The following HMCN1 variants were observed in gnomAD, a reference collection of about 807,000 sequenced individuals.
HMCN1 encodes hemicentin-1.
In HMCN1, 321 loss-of-function variants were observed where a neutral mutation model predicts 625.9. That is an observed-to-expected ratio of 0.51 (90% CI 0.47 to 0.56). HMCN1 has a LOEUF of 0.56. Ranked by LOEUF, HMCN1 falls within the 20% of genes least tolerant of loss-of-function variation. HMCN1 has a pLI of 0.00. For missense variants in HMCN1, 6,588 were observed against 6,887.3 expected, an observed-to-expected ratio of 0.96 and a Z score of 1.54; for synonymous variants, 2,425 against 2,417.6, an observed-to-expected ratio of 1.00 and a Z score of -0.09.
rs145065525 is a variant in HMCN1, at chr1:185,742,976, G to GT, written c.268+7934dup. ...TCCTCTGTGACTCCCAAGAAATGAT[G>GT]TTTTTCCCCCCTTGTTAATTAGTTA... On this transcript the variant is annotated intron_variant, in intron 1 of 106. Transcript: ENST00000271588. 8.3e-3 allele frequency among the ~76,000 whole-genome samples: 1,260 copies of GT among 152,268 alleles called. 12 individuals carry two copies. The highest frequency in any genetic ancestry group is 0.027 in the Middle Eastern group (8 of 294).
intron 4 of HMCN1, among the ~76,000 whole-genome samples, chr1:185,891,576 G>T (rs1665087057): frequency 1.4e-5 from 2 of 147,494 alleles, no homozygotes; most frequent in Non-Finnish European, 2.9e-5. Context: ...ATGAAGCTTA[G>T]TTTGGCTGGA....
At chr1:185,883,711 G>A (rs994457157) in intron 4 of HMCN1, among the ~76,000 whole-genome samples, 2 of 151,798 alleles carry the variant, frequency 1.3e-5, no homozygotes, top group Non-Finnish European at 2.9e-5. Flanking sequence ...GAACATTGCT[G>A]TATGGTTCCT....
At chr1:185,814,771 A>C (rs1460174269) in intron 1 of HMCN1, among the ~76,000 whole-genome samples, 1 of 149,002 alleles carries the variant, frequency 6.7e-6, no homozygotes, top group East Asian at 1.9e-4. Flanking sequence ...AGCTCACTGC[A>C]ACTTCCACCT....
Position 186,074,741 on chromosome 1 carries a change from C to A in HMCN1, c.8140C>A (p.Pro2714Thr), listed in dbSNP as rs147073795. The change falls in exon 53 of 107, where the codon CCC (proline) becomes ACC (threonine). Residue 2714 changes from proline (P) to threonine (T), a missense_variant and splice_region_variant. Coordinates refer to ENST00000271588, the MANE Select transcript of HMCN1 (RefSeq NM_031935.3). Reference protein sequence around the residue: ...ASLSWYKDGQPLKSDDHVNIA... With the variant: ...ASLSWYKDGQTLKSDDHVNIA... ...TAACATTGTTATAATTGAATCACAG[C>A]CCCTTAAATCCGATGATCATGTTAA... 1.2e-6 allele frequency: 2 copies of A among 1,612,314 alleles called. No homozygotes were observed. Among genetic ancestry groups the A allele is most frequent in the Non-Finnish European group, 1.7e-6 (2 of 1,178,806 alleles).
intron 1 of HMCN1, among the ~76,000 whole-genome samples, chr1:185,805,673 G>A (rs1659122947): frequency 6.6e-6 from 1 of 152,144 alleles, no homozygotes; most frequent in South Asian, 2.1e-4. Context: ...GCAGGATTTT[G>A]CTGTAGTGTA....
chr1:185,983,409 G>A (rs1651792140), intron 18 of HMCN1, among the ~76,000 whole-genome samples: 1 of 151,876 alleles, frequency 6.6e-6, no homozygotes, highest in Admixed American at 6.6e-5. Flanking sequence ...CTGGGTGACA[G>A]AGCAAGACTC....
chr1:186,059,130 C>G (rs1448016899), intron 46 of HMCN1, among the ~76,000 whole-genome samples: 1 of 151,926 alleles, frequency 6.6e-6, no homozygotes, highest in Non-Finnish European at 1.5e-5. Flanking sequence ...CATAGACAAC[C>G]TGGTAAAAGG....
At chr1:186,076,931 T>C (rs568796923) in intron 54 of HMCN1, among the ~76,000 whole-genome samples, 1 of 152,316 alleles carries the variant, frequency 6.6e-6, no homozygotes, top group South Asian at 2.1e-4. Context: ...TTGGTTTATA[T>C]ATATTATTAA....
intron 8 of HMCN1, among the ~76,000 whole-genome samples, chr1:185,924,215 CTTTTTTTTTTTTTTT>C (rs58164381): frequency 6.2e-4 from 27 of 43,648 alleles, no homozygotes; most frequent in African/African-American, 1.9e-3. Context: ...CTGACCCAAT[CTTTTTTTTTTTTTTT>C]TTTTTTTTTT....
chr1:185,838,784 C>T (rs1017621302), intron 1 of HMCN1, among the ~76,000 whole-genome samples: 1 of 152,174 alleles, frequency 6.6e-6, no homozygotes, highest in African/African-American at 2.4e-5. Context: ...ATATTTCTGA[C>T]TTTTGTAGCT....
intron 1 of HMCN1, among the ~76,000 whole-genome samples, chr1:185,772,156 C>A (rs1656285543): frequency 6.6e-6 from 1 of 152,030 alleles, no homozygotes; most frequent in African/African-American, 2.4e-5. Context: ...GGAGTTGGAG[C>A]CATAGCAGCG....
chr1:186,037,018 A>AT (rs146083816), intron 36 of HMCN1, among the ~76,000 whole-genome samples: 3,901 of 151,708 alleles, frequency 0.026, 160 homozygotes, highest in African/African-American at 0.089. Flanking sequence ...TATTTCTACT[A>AT]TTTTTTCTTG....
intron 11 of HMCN1, among the ~76,000 whole-genome samples, chr1:185,948,734 T>A (rs1406767897): frequency 6.6e-6 from 1 of 151,544 alleles, no homozygotes; most frequent in Non-Finnish European, 1.5e-5. Context: ...CTGACATTCC[T>A]GCCTTCTTAT....
rs376939606 is a variant in HMCN1, at chr1:186,090,916, C to T, written c.9886C>T (p.Arg3296Ter). 4 of 1,611,096 alleles carry T rather than the reference C, an allele frequency of 2.5e-6. No homozygotes were observed. Among genetic ancestry groups the T allele is most frequent in the South Asian group, 1.1e-5 (1 of 91,018 alleles). ...PIASGETERI[R>*]VSANGSTLNI... ...AGCTAGTGGTGAAACAGAAAGAATCCGGTATGTTTAAAAATAATCTTTCCA... is the reference window on the plus strand; with the variant it reads ...AGCTAGTGGTGAAACAGAAAGAATCTGGTATGTTTAAAAATAATCTTTCCA... Residue 3296 changes from arginine to a stop codon, truncating the protein, a stop_gained and splice_region_variant, in exon 64 of 107, where the codon CGA (arginine) becomes TGA (stop). Transcript: ENST00000271588. LOFTEE classifies it high-confidence loss of function.
intron 74 of HMCN1, 90 bp from the exon 75 acceptor site, chr1:186,115,168 A>G (rs1661075701): frequency 6.6e-7 from 1 of 1,511,966 alleles, no homozygotes; most frequent in African/African-American, 1.4e-5. Flanking sequence ...AGGCAAGTTA[A>G]TAATGACTAA....
At chr1:185,981,933 C>T (rs1376813130) in intron 17 of HMCN1, among the ~76,000 whole-genome samples, 1 of 152,140 alleles carries the variant, frequency 6.6e-6, no homozygotes. Context: ...CACTTTTCCA[C>T]TTATAAATGC....
chr1:186,055,586 C>A lies in HMCN1; in HGVS notation c.7056C>A (p.Asn2352Lys), dbSNP rs749904064. ...AAGGTCACATCCTTCAGCTGAAGAA[C>A]ATTCATGTATCTGACACAGGCCGTT... Reference protein sequence around the residue: ...LDEGHILQLKNIHVSDTGRYV... With the variant: ...LDEGHILQLKKIHVSDTGRYV... The change falls in exon 45 of 107, where the codon AAC (asparagine) becomes AAA (lysine). Residue 2352 changes from asparagine to lysine, a missense_variant. Asn to Lys is a moderately conservative substitution (Grantham distance 94, BLOSUM62 0). This residue lies in a region of HMCN1 where 4,628 missense variants were observed against 4,853.1 expected (regional missense o/e 0.95). Transcript: ENST00000271588. 6.2e-7 allele frequency: 1 copy of A among 1,612,794 alleles called. No homozygotes were observed. The highest frequency in any genetic ancestry group is 1.1e-5 in the South Asian group (1 of 91,074).
chr1:185,779,138 T>C (rs1209484333), intron 1 of HMCN1, among the ~76,000 whole-genome samples: 1 of 152,262 alleles, frequency 6.6e-6, no homozygotes, highest in Non-Finnish European at 1.5e-5. Context: ...GTTGCATAAA[T>C]GTCTTCTTTT....
intron 1 of HMCN1, among the ~76,000 whole-genome samples, chr1:185,806,055 G>T (rs1389295282): frequency 6.6e-6 from 1 of 151,176 alleles, no homozygotes; most frequent in Non-Finnish European, 1.5e-5. Flanking sequence ...ATCCAAGCAT[G>T]TACAAACTTG....
Sources: gnomAD v4.1 joint callset for allele counts (sites outside exome capture counted in the v4.1 genomes callset) on GRCh38, gnomAD v4.1.1 for gene constraint, gnomAD v4.1.1 regional missense constraint, MANE v1.5 for transcripts, NCBI Gene and HGNC (gene_info 2026-07-23, HGNC 2026-07-21) for gene names.